FURIN: variants seen among roughly 807,000 people sequenced by gnomAD.
The protein encoded by FURIN is FES upstream region.
In FURIN, 18 loss-of-function variants were observed where a neutral mutation model predicts 89.2. The observed-to-expected ratio is 0.20, with a 90% CI of 0.14 to 0.30. FURIN has a LOEUF of 0.30. Among genes scored for constraint, FURIN ranks in the 10% least tolerant of loss-of-function variants. The pLI is 1.00. For missense variants in FURIN, 879 were observed against 1,100.5 expected (o/e 0.80, Z 2.85); for synonymous variants, 508 against 466.4 (o/e 1.09, Z -1.15).
chr15:90,869,030 G>A (rs773381690), intron 1 of FURIN, among the ~76,000 whole-genome samples: 3 of 152,206 alleles, frequency 2.0e-5, no homozygotes, highest in Non-Finnish European at 2.9e-5. Context: ...AGTGCTTGGA[G>A]TCAGGATGAC....
Position 90,878,785 on chromosome 15 carries a change from A to C in FURIN, c.862A>C (p.Ile288Leu), listed in dbSNP as rs780924097. ...VSQGRGGLGS[I>L]FVWASGNGGR... Reference sequence around the variant, plus strand: ...ACAGGGCCGAGGGGGGCTGGGCTCCATCTTTGTCTGGGCCTCGGGGAACGG... The same window carrying C: ...ACAGGGCCGAGGGGGGCTGGGCTCCCTCTTTGTCTGGGCCTCGGGGAACGG... The change falls in exon 9 of 16, where the codon ATC (isoleucine) becomes CTC (leucine). Residue 288 changes from isoleucine (I) to leucine (L), a missense_variant. By Grantham distance (5) the Ile-to-Leu change is conservative (BLOSUM62 2). This residue lies in a region of FURIN where 156 missense variants were observed against 243.7 expected (regional missense o/e 0.64). Coordinates refer to ENST00000268171, the MANE Select transcript of FURIN (RefSeq NM_002569.4). 6 of 1,609,214 alleles carry C rather than the reference A, an allele frequency of 3.7e-6. No individual in the cohort carries two copies. Among genetic ancestry groups the C allele is most frequent in the Non-Finnish European group, 5.1e-6 (6 of 1,176,504 alleles).
Position 90,881,352 on chromosome 15 carries a change from C to T in FURIN, c.1859C>T (p.Pro620Leu). ...CAGCACTGCCCTCCAGGGTTCGCCC[C>T]CCAAGTCCTCGATACGCACTATAGC... ...CVQHCPPGFAPQVLDTHYSTE... is the reference protein window; with the variant it reads ...CVQHCPPGFALQVLDTHYSTE... Residue 620 changes from proline (P) to leucine (L), a missense_variant, in exon 16 of 16, where the codon CCC becomes CTC. Pro to Leu is a moderately conservative substitution (Grantham distance 98). This residue lies in a region of FURIN where 457 missense variants were observed against 490.7 expected (regional missense o/e 0.93). Coordinates refer to ENST00000268171, the MANE Select transcript of FURIN (RefSeq NM_002569.4). This position sits in a 1 kb window ranked among gnomAD's most constrained non-coding sequence, Gnocchi z 4.3. 1.2e-6 allele frequency: 2 copies of T among 1,613,048 alleles called. No homozygotes were observed. The highest frequency in any genetic ancestry group is 1.1e-5 in the South Asian group (1 of 91,074).
intron 1 of FURIN, among the ~76,000 whole-genome samples, chr15:90,872,413 G>A (rs189255492): frequency 6.6e-6 from 1 of 152,162 alleles, no homozygotes; most frequent in Non-Finnish European, 1.5e-5. Context: ...CCACCGGAGA[G>A]TGTTGGGATT....
intron 13 of FURIN, 89 bp downstream of exon 13, chr15:90,880,362 G>T (rs1014419564): frequency 2.8e-5 from 30 of 1,089,688 alleles, no homozygotes; most frequent in Non-Finnish European, 2.9e-5. Context: ...CGGCCCAGGG[G>T]GCACTGAGTG....
intron 13 of FURIN, 51 bp downstream of exon 13, chr15:90,880,324 C>T (rs746074308): frequency 1.4e-6 from 2 of 1,448,342 alleles, no homozygotes; most frequent in Non-Finnish European, 9.4e-7. Context: ...CCTCTCACAG[C>T]CCGCGTGCTT....
chr15:90,875,086 A>G (rs1374877937), intron 1 of FURIN, among the ~76,000 whole-genome samples: 1 of 141,198 alleles, frequency 7.1e-6, no homozygotes, highest in African/African-American at 2.7e-5. Flanking sequence ...CAGACTGGGA[A>G]TGCAGTGGCG....
intron 9 of FURIN, among the ~76,000 whole-genome samples, 158 bp downstream of exon 9, chr15:90,879,134 G>A (rs2031799160): frequency 1.3e-5 from 2 of 152,204 alleles, no homozygotes; most frequent in South Asian, 4.1e-4. Context: ...GTAGGTTCTT[G>A]GAGGCCATGG....
chr15:90,876,623 T>C lies in FURIN; in HGVS notation c.372+66T>C. The C allele has an allele frequency of 9.5e-7, 1 of 1,055,082 alleles. No individual in the cohort carries two copies. Among genetic ancestry groups the C allele is most frequent in the East Asian group, 2.5e-5 (1 of 40,732 alleles). 65.4% of individuals were successfully genotyped at this position (1,055,082 alleles called of 1,614,324 possible). The stretch of plus-strand genomic sequence containing the variant: ...GCACCATCCACCCACTATGAGCTCT[T>C]GGATGGAGGAGGCTGTCTTCGAGGC... On this transcript the variant is annotated intron_variant, in intron 4 of 15. Coordinates refer to ENST00000268171, the MANE Select transcript of FURIN (RefSeq NM_002569.4). The surrounding 1 kb of genome is among the most constrained non-coding windows in gnomAD (Gnocchi z 5.0).
Position 90,876,360 on chromosome 15 carries a change from G to C in FURIN, c.276+7G>C. The C allele has an allele frequency of 6.3e-7, 1 of 1,598,556 alleles. No homozygotes were observed. Among genetic ancestry groups the C allele is most frequent in the Non-Finnish European group, 8.6e-7 (1 of 1,166,154 alleles). On this transcript the variant is annotated splice_region_variant and intron_variant, in intron 3 of 15. Transcript: ENST00000268171. This position sits in a 1 kb window ranked among gnomAD's most constrained non-coding sequence, Gnocchi z 5.0. ...GCTGCAGAGGGAGCCTCAAGTGAGTGTGGCCCCAGCCCCCTCCTGCTGCCA... is the reference window on the plus strand; with the variant it reads ...GCTGCAGAGGGAGCCTCAAGTGAGTCTGGCCCCAGCCCCCTCCTGCTGCCA...
chr15:90,875,877 A>G lies in FURIN; in HGVS notation c.137A>G (p.Asn46Ser). ...ATCCCTGGAGGCCCAGCGGTGGCCA[A>G]CAGTGTGGCACGGAAGCATGGGTTC... The part of the protein sequence containing the change: ...VRIPGGPAVA[N>S]SVARKHGFLN... Residue 46 changes from asparagine to serine, a missense_variant, in exon 2 of 16, where the codon AAC becomes AGC. This residue lies in a region of FURIN where 125 missense variants were observed against 125.0 expected (regional missense o/e 1.00). Transcript: ENST00000268171. 6.3e-7 allele frequency: 1 copy of G among 1,589,928 alleles called. No homozygotes were observed. The highest frequency in any genetic ancestry group is 8.6e-7 in the Non-Finnish European group (1 of 1,169,328).
chr15:90,875,543 C>CGTCA (rs1170676176), intron 1 of FURIN, 39 bp from the exon 2 acceptor site: 1 of 515,014 alleles, frequency 1.9e-6, no homozygotes, highest in African/African-American at 2.0e-5. Context: ...AGGGGAGGAA[C>CGTCA]TGACCCTCTC....
chr15:90,878,816 G>A lies in FURIN; in HGVS notation c.893G>A (p.Arg298Gln), dbSNP rs769208985. ...GTCTGGGCCTCGGGGAACGGGGGCC[G>A]GGAACATGACAGCTGCAACTGCGAC... ...IFVWASGNGG[R>Q]EHDSCNCDGY... Residue 298 changes from arginine to glutamine, a missense_variant, in exon 9 of 16, where the codon CGG becomes CAG. Transcript: ENST00000268171. 6 of 1,612,488 alleles carry A rather than the reference G, an allele frequency of 3.7e-6. No individual in the cohort carries two copies. The highest frequency in any genetic ancestry group is 2.2e-5 in the East Asian group (1 of 44,880).
In FURIN at chr15:90,876,554, C is replaced by T; in HGVS notation, c.369C>T (p.Tyr123=). Residue 123 remains tyrosine (Y), a synonymous_variant, in exon 4 of 16, where the codon TAC becomes TAT. Coordinates refer to ENST00000268171, the MANE Select transcript of FURIN (RefSeq NM_002569.4). This position sits in a 1 kb window ranked among gnomAD's most constrained non-coding sequence, Gnocchi z 5.0. The part of the protein sequence containing the change: ...PTDPKFPQQW[Y]LSGVTQRDLN... ...ACCCCAAGTTTCCTCAGCAGTGGTA[C>T]CTGGTACGTGGCCTTCTTCGCTGCT... is the stretch of plus-strand genomic sequence containing the variant. The T allele has an allele frequency of 6.2e-7, 1 of 1,604,032 alleles. No individual in the cohort carries two copies. The highest frequency in any genetic ancestry group is 8.5e-7 in the Non-Finnish European group (1 of 1,170,822).
rs755134973 is a variant in FURIN, at chr15:90,876,541, C to T, written c.356C>T (p.Pro119Leu). The T allele has an allele frequency of 2.5e-6, 4 of 1,612,138 alleles. No individual in the cohort carries two copies. The highest frequency in any genetic ancestry group is 3.4e-6 in the Non-Finnish European group (4 of 1,178,294). ...VYQEPTDPKF[P>L]QQWYLSGVTQ... Reference sequence around the variant, plus strand: ...CAGGAGCCCACAGACCCCAAGTTTCCTCAGCAGTGGTACCTGGTACGTGGC... The same window carrying T: ...CAGGAGCCCACAGACCCCAAGTTTCTTCAGCAGTGGTACCTGGTACGTGGC... The change falls in exon 4 of 16, where the codon CCT becomes CTT. Residue 119 changes from proline (P) to leucine (L), a missense_variant. Coordinates refer to ENST00000268171, the MANE Select transcript of FURIN (RefSeq NM_002569.4). This position sits in a 1 kb window ranked among gnomAD's most constrained non-coding sequence, Gnocchi z 5.0.
chr15:90,881,519 T>G lies in FURIN; in HGVS notation c.2026T>G (p.Ser676Ala). The change falls in exon 16 of 16, where the codon TCC (serine) becomes GCC (alanine). Residue 676 changes from serine (S) to alanine (A), a missense_variant. Around this residue, in one of 5 missense-constraint regions of FURIN, gnomAD observed 457 missense variants for 490.7 expected, o/e 0.93. Coordinates refer to ENST00000268171, the MANE Select transcript of FURIN (RefSeq NM_002569.4). This position sits in a 1 kb window ranked among gnomAD's most constrained non-coding sequence, Gnocchi z 4.3. ...ASLDPVEQTCSRQSQSSRESP... is the reference protein window; with the variant it reads ...ASLDPVEQTCARQSQSSRESP... ...CTTGGACCCTGTGGAGCAGACTTGC[T>G]CCCGGCAAAGCCAGAGCAGCCGAGA... is the stretch of plus-strand genomic sequence containing the variant. 1 of 1,611,582 alleles carries G rather than the reference T, an allele frequency of 6.2e-7. No individual in the cohort carries two copies. Among genetic ancestry groups the G allele is most frequent in the Non-Finnish European group, 8.5e-7 (1 of 1,179,656 alleles).
At position 90,879,444 on chromosome 15, in the gene FURIN, G is replaced by T; in HGVS notation, c.1054G>T (p.Val352Leu). ...CCCAATATGATTCTCTTCCTGGCAG[G>T]TGACGACTGACTTGCGGCAGAAGTG... ...SSGNQNEKQI[V>L]TTDLRQKCTE... The change falls in exon 10 of 16, where the codon GTG becomes TTG. Residue 352 changes from valine (V) to leucine (L), a missense_variant and splice_region_variant. Physicochemically the swap from Val to Leu is conservative, Grantham distance 32 (BLOSUM62 1). Around this residue, in one of 5 missense-constraint regions of FURIN, gnomAD observed 156 missense variants for 243.7 expected, o/e 0.64. Transcript: ENST00000268171. The T allele has an allele frequency of 6.2e-7, 1 of 1,608,824 alleles. No homozygotes were observed. Among genetic ancestry groups the T allele is most frequent in the Non-Finnish European group, 8.5e-7 (1 of 1,175,388 alleles).
In FURIN at chr15:90,876,189, C is replaced by A; in HGVS notation, c.178-66C>A. 9.2e-7 allele frequency: 1 copy of A among 1,087,822 alleles called. No homozygotes were observed. The highest frequency in any genetic ancestry group is 1.4e-6 in the Non-Finnish European group (1 of 731,984). 67.4% of individuals were successfully genotyped at this position (1,087,822 alleles called of 1,614,324 possible). On this transcript the variant is annotated intron_variant, in intron 2 of 15. Transcript: ENST00000268171. The surrounding 1 kb of genome is among the most constrained non-coding windows in gnomAD (Gnocchi z 5.0). ...GCCTCCCATGAAGCCGTTGTCCACCCCCGTCCCCCGCCTCCCGGGGACTGA... is the reference window on the plus strand; with the variant it reads ...GCCTCCCATGAAGCCGTTGTCCACCACCGTCCCCCGCCTCCCGGGGACTGA...
rs764492708 is a variant in FURIN, at chr15:90,876,329, C to T, written c.252C>T (p.His84=). 1.9e-6 allele frequency: 3 copies of T among 1,611,632 alleles called. No individual in the cohort carries two copies. The highest frequency in any genetic ancestry group is 1.7e-5 in the Admixed American group (1 of 60,022). The change falls in exon 3 of 16, where the codon CAC becomes CAT. Residue 84 remains histidine, a synonymous_variant. Transcript: ENST00000268171. This position sits in a 1 kb window ranked among gnomAD's most constrained non-coding sequence, Gnocchi z 5.0. ...CCCTGTCGCCTCACCGCCCGCGGCACAGCCGGCTGCAGAGGGAGCCTCAAG... is the reference window on the plus strand; with the variant it reads ...CCCTGTCGCCTCACCGCCCGCGGCATAGCCGGCTGCAGAGGGAGCCTCAAG... ...KRSLSPHRPR[H]SRLQREPQVQ... is the part of the protein sequence containing the mutation.
rs2031841929 is a variant in FURIN, at chr15:90,879,769, G to A, written c.1253G>A (p.Arg418Gln). 6.2e-7 allele frequency: 1 copy of A among 1,613,078 alleles called. No individual in the cohort carries two copies. The highest frequency in any genetic ancestry group is 8.5e-7 in the Non-Finnish European group (1 of 1,179,438). Residue 418 changes from arginine (R) to glutamine (Q), a missense_variant, in exon 11 of 16, where the codon CGG (arginine) becomes CAG (glutamine). By Grantham distance (43) the Arg-to-Gln change is conservative. Around this residue, in one of 5 missense-constraint regions of FURIN, gnomAD observed 156 missense variants for 243.7 expected, o/e 0.64. Transcript: ENST00000268171. ...ANDWATNGVG[R>Q]KVSHSYGYGL... is the part of the protein sequence containing the mutation. ...GACTGGGCCACCAATGGTGTGGGCC[G>A]GAAAGGTGAGGGCAGGCTGGCCCGG...
Sources: gnomAD v4.1 joint callset for allele counts (sites outside exome capture counted in the v4.1 genomes callset) on GRCh38, gnomAD v4.1.1 for gene constraint, gnomAD v4.1.1 regional missense constraint, Gnocchi (gnomAD v3.1) non-coding constraint, MANE v1.5 for transcripts, NCBI Gene and HGNC (gene_info 2026-07-23, HGNC 2026-07-21) for gene names.